CEP170B: variants seen among roughly 807,000 people sequenced by gnomAD.
CEP170B encodes the protein centrosomal protein 170B.
A neutral mutation model predicts 120.6 loss-of-function variants in CEP170B; 55 were observed. The observed-to-expected ratio is 0.46, with a 90% CI of 0.37 to 0.57. The LOEUF (loss-of-function observed/expected upper bound fraction) is 0.57, where lower values mean the gene tolerates loss of function less well. Among genes scored for constraint, CEP170B ranks in the 20% least tolerant of loss-of-function variants. CEP170B has a pLI of 0.00. For synonymous variants in CEP170B, 1,033 were observed against 954.5 expected (o/e 1.08, Z -1.52); for missense variants, 2,212 against 2,253.3 (o/e 0.98, Z 0.37).
intron 12 of CEP170B, among the ~76,000 whole-genome samples, chr14:104,889,272 C>T (rs1804109671): frequency 6.6e-6 from 1 of 152,262 alleles, no homozygotes; most frequent in Admixed American, 6.5e-5. Flanking sequence ...GGGTTGCAGC[C>T]ACTGGCCTGG....
At position 104,870,608 on chromosome 14, in the gene CEP170B, G is replaced by A. The variant is rs942874264; in HGVS notation, c.105+2053G>A. Among the ~76,000 whole-genome samples, 3 of 152,124 alleles carry A rather than the reference G, an allele frequency of 2.0e-5. No homozygotes were observed. Among genetic ancestry groups the A allele is most frequent in the Non-Finnish European group, 2.9e-5 (2 of 67,998 alleles). ...TCTTCCTGCCCCACCCCTGCACCAG[G>A]CCTGCTCTGCCTGCTTCTCCCTGGG... is the stretch of plus-strand genomic sequence containing the variant. On this transcript the variant is annotated intron_variant, in intron 2 of 18. Coordinates refer to ENST00000414716, the MANE Select transcript of CEP170B (RefSeq NM_001112726.3). The surrounding 1 kb of genome is among the most constrained non-coding windows in gnomAD (Gnocchi z 4.1).
At chr14:104,884,593 G>A (rs9788596) in intron 9 of CEP170B, 44 bp downstream of exon 9, 31,269 of 1,465,608 alleles carry the variant, frequency 0.021, 645 homozygotes, top group Middle Eastern at 0.038. Flanking sequence ...GGAACGGGGG[G>A]GTGGAGGCGA....
intron 6 of CEP170B, among the ~76,000 whole-genome samples, chr14:104,880,738 C>G (rs1482895571): frequency 6.6e-6 from 1 of 151,926 alleles, no homozygotes; most frequent in Non-Finnish European, 1.5e-5. Context: ...CACACCCACA[C>G]CACTCACCCC....
chr14:104,872,516 A>G (rs1415532780), intron 2 of CEP170B, among the ~76,000 whole-genome samples: 1 of 120,018 alleles, frequency 8.3e-6, no homozygotes, highest in Non-Finnish European at 1.8e-5. Context: ...GTAAGTGTGC[A>G]TGTGCATACA....
At position 104,887,005 on chromosome 14, in the gene CEP170B, G is replaced by A. The variant is rs376470328; in HGVS notation, c.2766G>A (p.Ala922=). 148 of 1,609,766 alleles carry A rather than the reference G, an allele frequency of 9.2e-5. No homozygotes were observed. In the African/African-American group the frequency reaches 1.5e-3, roughly 16 times the overall value. ...TGAAGGAGACGGAGACGGCCCTGGC[G>A]GCCCTGGAGGCCCGACTCCTCTCTA... is the stretch of plus-strand genomic sequence containing the variant. The part of the protein sequence containing the change: ...LILKETETAL[A]ALEARLLSNS... Residue 922 remains alanine (A), a synonymous_variant, in exon 12 of 19, where the codon GCG becomes GCA. Coordinates refer to ENST00000414716, the MANE Select transcript of CEP170B (RefSeq NM_001112726.3).
In CEP170B at chr14:104,886,319, C is replaced by G. The variant is rs1477192724; in HGVS notation, c.2080C>G (p.Pro694Ala). 6.5e-7 allele frequency: 1 copy of G among 1,549,776 alleles called. No homozygotes were observed. The highest frequency in any genetic ancestry group is 8.7e-7 in the Non-Finnish European group (1 of 1,152,262). ...RRGGEPEGSL[P>A]VRMRRRLPQL... ...AGGCGGGGAGCCGGAGGGGTCCCTG[C>G]CTGTGCGCATGCGGCGACGGCTCCC... Residue 694 changes from proline to alanine, a missense_variant, in exon 12 of 19, where the codon CCT becomes GCT. Pro to Ala is a conservative substitution (Grantham distance 27). This residue lies in a region of CEP170B where 2,166 missense variants were observed against 2,166.7 expected (regional missense o/e 1.00). Coordinates refer to ENST00000414716, the MANE Select transcript of CEP170B (RefSeq NM_001112726.3).
chr14:104,874,749 A>T (rs1314035188), intron 2 of CEP170B, among the ~76,000 whole-genome samples: 1 of 30,058 alleles, frequency 3.3e-5, no homozygotes, highest in African/African-American at 1.3e-4. Flanking sequence ...CCCAACCCCC[A>T]CCCCCGGTCC....
rs922297829 is a variant in CEP170B, at chr14:104,865,818, A to T, written c.-28+305A>T. Reference sequence around the variant, plus strand: ...GGCCGCCCCCGGAGAGCGCTGATTCAGAAGGCGCCGCTCCCTCCCCCGCCG... The same window carrying T: ...GGCCGCCCCCGGAGAGCGCTGATTCTGAAGGCGCCGCTCCCTCCCCCGCCG... On this transcript the variant is annotated intron_variant, in intron 1 of 18. Coordinates refer to ENST00000414716, the MANE Select transcript of CEP170B (RefSeq NM_001112726.3). The surrounding 1 kb of genome is among the most constrained non-coding windows in gnomAD (Gnocchi z 6.7). Among the ~76,000 whole-genome samples the T allele has an allele frequency of 6.6e-6, 1 of 151,732 alleles. No homozygotes were observed. Among genetic ancestry groups the T allele is most frequent in the African/African-American group, 2.4e-5 (1 of 41,280 alleles).
At chr14:104,892,339 T>C (rs1178369890) in intron 13 of CEP170B, among the ~76,000 whole-genome samples, 1 of 152,086 alleles carries the variant, frequency 6.6e-6, no homozygotes, top group East Asian at 1.9e-4. Flanking sequence ...CTGTGCCCCC[T>C]GGGCACATCC....
At chr14:104,892,892 C>T in intron 13 of CEP170B, 84 bp from the exon 14 acceptor site, 2 of 1,445,338 alleles carry the variant, frequency 1.4e-6, no homozygotes, top group South Asian at 2.5e-5. Flanking sequence ...TGCCTGGGAG[C>T]TGGGAGGGGC....
intron 5 of CEP170B, 145 bp downstream of exon 5, chr14:104,878,646 C>A: frequency 1.3e-6 from 1 of 786,420 alleles, no homozygotes; most frequent in East Asian, 2.7e-5. Context: ...ATGAGTCAGG[C>A]CAGCCTGTCC....
At position 104,887,307 on chromosome 14, in the gene CEP170B, G is replaced by A. The variant is rs1896576750; in HGVS notation, c.3068G>A (p.Gly1023Glu). Reference protein sequence around the residue: ...HPLGPTDMGRGEPVRRSAIRR... With the variant: ...HPLGPTDMGREEPVRRSAIRR... ...CTTGGCCCGACGGACATGGGCCGTG[G>A]AGAGCCGGTACGGCGCTCAGCCATA... Residue 1023 changes from glycine to glutamate, a missense_variant, in exon 12 of 19, where the codon GGA becomes GAA. Around this residue, in one of 2 missense-constraint regions of CEP170B, gnomAD observed 2,166 missense variants for 2,166.7 expected, o/e 1.00. Transcript: ENST00000414716. 1 of 1,610,334 alleles carries A rather than the reference G, an allele frequency of 6.2e-7. No homozygotes were observed. Among genetic ancestry groups the A allele is most frequent in the African/African-American group, 1.3e-5 (1 of 75,044 alleles).
At chr14:104,872,544 G>T (rs974749635) in intron 2 of CEP170B, among the ~76,000 whole-genome samples, 2 of 151,472 alleles carry the variant, frequency 1.3e-5, no homozygotes, top group Admixed American at 1.3e-4. Context: ...GTCTGTAGGT[G>T]CACACATCTG....
chr14:104,880,197 C>G, intron 5 of CEP170B, 90 bp from the exon 6 acceptor site: 1 of 1,506,836 alleles, frequency 6.6e-7, no homozygotes, highest in South Asian at 1.2e-5. Flanking sequence ...ATAGCTGGGC[C>G]CTCTGGATGG....
chr14:104,872,329 C>T (rs1183303475), intron 2 of CEP170B, among the ~76,000 whole-genome samples: 3 of 53,614 alleles, frequency 5.6e-5, no homozygotes, highest in South Asian at 7.1e-4. Context: ...CGTGGGTGTG[C>T]GTGGGTGTGC....
chr14:104,878,387 C>T, intron 4 of CEP170B, 56 bp from the exon 5 acceptor site: 2 of 1,576,810 alleles, frequency 1.3e-6, no homozygotes, highest in Non-Finnish European at 1.7e-6. Flanking sequence ...TGGGCGTGGA[C>T]TTCAGCGCTG....
At position 104,868,069 on chromosome 14, in the gene CEP170B, G is replaced by A. The variant is rs1895282718; in HGVS notation, c.-27-355G>A. Among the ~76,000 whole-genome samples the A allele has an allele frequency of 1.3e-5, 2 of 152,126 alleles. No homozygotes were observed. Among genetic ancestry groups the A allele is most frequent in the Non-Finnish European group, 2.9e-5 (2 of 68,010 alleles). On this transcript the variant is annotated intron_variant, in intron 1 of 18. Transcript: ENST00000414716. This position sits in a 1 kb window ranked among gnomAD's most constrained non-coding sequence, Gnocchi z 5.9. Reference sequence around the variant, plus strand: ...CCATGAGCTGCTCCTGATGGGTCACGTGGATGTGGGGTCACTTACAGGCAG... The same window carrying A: ...CCATGAGCTGCTCCTGATGGGTCACATGGATGTGGGGTCACTTACAGGCAG...
chr14:104,884,198 G>A lies in CEP170B; in HGVS notation c.1419G>A (p.Glu473=), dbSNP rs1415244230. 4 of 1,544,574 alleles carry A rather than the reference G, an allele frequency of 2.6e-6. No homozygotes were observed. The highest frequency in any genetic ancestry group is 3.5e-6 in the Non-Finnish European group (4 of 1,147,690). The change falls in exon 9 of 19, where the codon GAG becomes GAA. Residue 473 remains glutamate, a synonymous_variant. Transcript: ENST00000414716. ...GCTCGCTCAAGCGGGAGAAGACAGA[G>A]GAACGGCTGGGCAGCCCCTCGCCCG... ...RAGSLKREKT[E]ERLGSPSPAS...
rs377334102 is a variant in CEP170B, at chr14:104,877,939, A to G, written c.250A>G (p.Asn84Asp). ...CCAGAAGTACGTCACGCTGAAGCTC[A>G]ACGATGTCATCCGCTTCGGCTACGA... ...PDQKYVTLKL[N>D]DVIRFGYDSN... is the part of the protein sequence containing the mutation. Residue 84 changes from asparagine (N) to aspartate (D), a missense_variant, in exon 4 of 19, where the codon AAC becomes GAC. This residue lies in a region of CEP170B where 2,166 missense variants were observed against 2,166.7 expected (regional missense o/e 1.00). Coordinates refer to ENST00000414716, the MANE Select transcript of CEP170B (RefSeq NM_001112726.3). 8 of 1,607,312 alleles carry G rather than the reference A, an allele frequency of 5.0e-6. No homozygotes were observed. In the Admixed American group the frequency reaches 8.4e-5, roughly 17 times the overall value.
Sources: gnomAD v4.1 joint callset for allele counts (sites outside exome capture counted in the v4.1 genomes callset) on GRCh38, gnomAD v4.1.1 for gene constraint, gnomAD v4.1.1 regional missense constraint, Gnocchi (gnomAD v3.1) non-coding constraint, MANE v1.5 for transcripts, NCBI Gene and HGNC (gene_info 2026-07-23, HGNC 2026-07-21) for gene names.